GRIN2A: variants seen among roughly 807,000 people sequenced by gnomAD.
GRIN2A encodes the protein glutamate ionotropic receptor NMDA type subunit 2A.
GRIN2A carries 22 observed loss-of-function variants against 113.4 expected under a neutral mutation model. The ratio of observed to expected loss-of-function variants is 0.19; its 90% CI spans 0.14 to 0.28. The LOEUF (loss-of-function observed/expected upper bound fraction) is 0.28, where lower values mean the gene tolerates loss of function less well. Ranked by LOEUF, GRIN2A falls within the 10% of genes least tolerant of loss-of-function variation. The pLI is 1.00. For missense variants in GRIN2A, 1,502 were observed against 1,887.0 expected, an observed-to-expected ratio of 0.80 and a Z score of 3.78; for synonymous variants, 827 against 738.4, an observed-to-expected ratio of 1.12 and a Z score of -1.94.
At chr16:10,136,791 A>G (rs1332452637) in intron 2 of GRIN2A, among the ~76,000 whole-genome samples, 2 of 152,188 alleles carry the variant, frequency 1.3e-5, no homozygotes, top group Non-Finnish European at 2.9e-5. Flanking sequence ...TAAGCACTTA[A>G]CATACAATGT....
At chr16:9,812,212 G>A (rs1306432125) in intron 10 of GRIN2A, among the ~76,000 whole-genome samples, 1 of 152,160 alleles carries the variant, frequency 6.6e-6, no homozygotes, top group Non-Finnish European at 1.5e-5. Flanking sequence ...TTCCTCAAAG[G>A]TGGATGAAAA....
intron 2 of GRIN2A, among the ~76,000 whole-genome samples, chr16:10,104,209 GTCATCTGTTCAT>G (rs1333716009): frequency 2.6e-5 from 4 of 152,186 alleles, no homozygotes; most frequent in Admixed American, 1.3e-4. Flanking sequence ...TATTCATTCT[GTCATCTGTTCAT>G]TCATCTGTTA....
chr16:9,948,432 T>C (rs574886593), intron 2 of GRIN2A, among the ~76,000 whole-genome samples: 14 of 152,266 alleles, frequency 9.2e-5, no homozygotes, highest in African/African-American at 3.4e-4. Context: ...AGTAGCAAAG[T>C]TCTAGAGGTC....
intron 2 of GRIN2A, among the ~76,000 whole-genome samples, chr16:10,010,727 A>G (rs1237000513): frequency 1.3e-5 from 2 of 152,154 alleles, no homozygotes; most frequent in Admixed American, 6.5e-5. Context: ...CTGAAGGTTC[A>G]TGCCTCCACC....
At chr16:10,083,628 G>A (rs1006374453) in intron 2 of GRIN2A, among the ~76,000 whole-genome samples, 1 of 152,138 alleles carries the variant, frequency 6.6e-6, no homozygotes, top group Non-Finnish European at 1.5e-5. Flanking sequence ...TCTTTACAAT[G>A]TTCTTTTCTG....
At chr16:9,945,705 T>C (rs375602554) in intron 2 of GRIN2A, among the ~76,000 whole-genome samples, 10 of 152,128 alleles carry the variant, frequency 6.6e-5, no homozygotes, top group African/African-American at 1.9e-4. Flanking sequence ...TTGACTAACA[T>C]AGAAGGGCTG....
intron 2 of GRIN2A, among the ~76,000 whole-genome samples, chr16:10,128,473 C>A (rs2048991780): frequency 6.6e-6 from 1 of 152,140 alleles, no homozygotes; most frequent in Non-Finnish European, 1.5e-5. Context: ...AAGAAGAGGC[C>A]ATTACAGAAT....
intron 11 of GRIN2A, among the ~76,000 whole-genome samples, chr16:9,792,290 A>G (rs886397143): frequency 3.3e-5 from 5 of 152,122 alleles, no homozygotes; most frequent in African/African-American, 1.2e-4. Context: ...TGACATGATC[A>G]TGGCTCACTG....
chr16:9,815,571 A>G (rs1454705745), intron 10 of GRIN2A, among the ~76,000 whole-genome samples: 1 of 152,202 alleles, frequency 6.6e-6, no homozygotes, highest in African/African-American at 2.4e-5. Flanking sequence ...CAAAACTGCA[A>G]TGAGATACCA....
At chr16:9,921,818 G>C (rs550519045) in intron 3 of GRIN2A, among the ~76,000 whole-genome samples, 1 of 152,158 alleles carries the variant, frequency 6.6e-6, no homozygotes, top group Admixed American at 6.5e-5. Flanking sequence ...GCACCTAGGT[G>C]TGGGAGAAAG....
intron 2 of GRIN2A, among the ~76,000 whole-genome samples, chr16:10,113,598 C>T (rs1024667264): frequency 6.6e-6 from 1 of 152,180 alleles, no homozygotes; most frequent in Non-Finnish European, 1.5e-5. Context: ...AAAAATTATG[C>T]TTACAGAGAT....
chr16:9,779,913 G>C (rs766929065), intron 11 of GRIN2A, among the ~76,000 whole-genome samples: 1 of 152,188 alleles, frequency 6.6e-6, no homozygotes, highest in Non-Finnish European at 1.5e-5. Flanking sequence ...AAGTGGGGCA[G>C]ACTCCACAGT....
At chr16:9,868,816 G>A (rs1334508387) in intron 4 of GRIN2A, among the ~76,000 whole-genome samples, 1 of 152,102 alleles carries the variant, frequency 6.6e-6, no homozygotes. Flanking sequence ...AGGCTTCTGA[G>A]TACATTGAGC....
intron 2 of GRIN2A, among the ~76,000 whole-genome samples, chr16:9,974,568 C>G (rs2045738616): frequency 6.6e-6 from 1 of 152,190 alleles, no homozygotes; most frequent in African/African-American, 2.4e-5. Flanking sequence ...AGACAGGAGT[C>G]TTGCCGATGC....
At chr16:9,988,142 A>G (rs1034552017) in intron 2 of GRIN2A, among the ~76,000 whole-genome samples, 1 of 152,120 alleles carries the variant, frequency 6.6e-6, no homozygotes, top group African/African-American at 2.4e-5. Context: ...CCAGATCTCA[A>G]GAGAAGTAGG....
At chr16:9,789,812 A>T (rs1902492091) in intron 11 of GRIN2A, among the ~76,000 whole-genome samples, 1 of 152,226 alleles carries the variant, frequency 6.6e-6, no homozygotes, top group South Asian at 2.1e-4. Flanking sequence ...AAGAACAGCA[A>T]AAGTCAAGGG....
At chr16:10,138,304 ACTAT>A (rs2049245716) in intron 2 of GRIN2A, among the ~76,000 whole-genome samples, 1 of 152,222 alleles carries the variant, frequency 6.6e-6, no homozygotes, top group Admixed American at 6.5e-5. Context: ...AATGTAAAGA[ACTAT>A]CTGAGACTGG....
At chr16:10,052,208 G>A (rs890150655) in intron 2 of GRIN2A, among the ~76,000 whole-genome samples, 1 of 152,222 alleles carries the variant, frequency 6.6e-6, no homozygotes, top group African/African-American at 2.4e-5. Context: ...GTATTCTCAT[G>A]ATAATTCAAG....
intron 4 of GRIN2A, among the ~76,000 whole-genome samples, chr16:9,870,465 T>G (rs559051729): frequency 1.3e-5 from 2 of 152,258 alleles, no homozygotes; most frequent in East Asian, 3.9e-4. Flanking sequence ...ATGTGGATAA[T>G]AATACAAAAG....
Sources: allele counts gnomAD v4.1 joint callset (sites outside exome capture counted in the v4.1 genomes callset), GRCh38; gene constraint gnomAD v4.1.1; transcripts MANE v1.5; gene names NCBI Gene and HGNC (gene_info 2026-07-23, HGNC 2026-07-21).